Variants in VAV2 observed in about 807,000 individuals in gnomAD.
The protein encoded by VAV2 is vav guanine nucleotide exchange factor 2.
VAV2 carries 67 observed loss-of-function variants against 132.5 expected under a neutral mutation model. The observed-to-expected ratio is 0.51, with a 90% CI of 0.42 to 0.62. The LOEUF is 0.62. Ranked by LOEUF, VAV2 falls within the 20% of genes least tolerant of loss-of-function variation. The pLI is 0.00. For synonymous variants in VAV2, 492 were observed against 443.5 expected (o/e 1.11, Z -1.37); for missense variants, 938 against 1,153.6 (o/e 0.81, Z 2.71).
rs1050544962 is a variant in VAV2, at chr9:133,919,503, C to G, written c.321+19600G>C. Reference sequence around the variant, plus strand: ...CCCAGCCCAGGGACTCACTGTCCCCCGGGGCCAGGTCGGCTGGCAATTTCT... The same window carrying G: ...CCCAGCCCAGGGACTCACTGTCCCCGGGGGCCAGGTCGGCTGGCAATTTCT... On this transcript the variant is annotated intron_variant, in intron 2 of 29. Transcript: ENST00000371850. This position sits in a 1 kb window ranked among gnomAD's most constrained non-coding sequence, Gnocchi z 5.8. Among the ~76,000 whole-genome samples the G allele has an allele frequency of 6.6e-6, 1 of 152,170 alleles. No individual in the cohort carries two copies. Among genetic ancestry groups the G allele is most frequent in the Non-Finnish European group, 1.5e-5 (1 of 68,022 alleles).
At chr9:133,859,618 T>G (rs577879603) in intron 3 of VAV2, among the ~76,000 whole-genome samples, 18 of 151,060 alleles carry the variant, frequency 1.2e-4, no homozygotes, top group African/African-American at 4.4e-4. Context: ...CTGCCTAATA[T>G]GTAAAAAAAA....
chr9:133,775,107 G>A, intron 24 of VAV2, 56 bp from the exon 25 acceptor site: 1 of 1,454,138 alleles, frequency 6.9e-7, no homozygotes, highest in Non-Finnish European at 9.4e-7. Context: ...TGTCTGAGGG[G>A]TGCCCAGCCC....
intron 2 of VAV2, among the ~76,000 whole-genome samples, chr9:133,929,036 TC>T (rs1840582005): frequency 6.6e-6 from 1 of 152,104 alleles, no homozygotes; most frequent in Non-Finnish European, 1.5e-5. Flanking sequence ...ATCTGGAATC[TC>T]CCGCCCACAG....
Position 133,804,243 on chromosome 9 carries a change from A to T in VAV2, c.836+1838T>A, listed in dbSNP as rs1386147433. On this transcript the variant is annotated intron_variant, in intron 9 of 29. Transcript: ENST00000371850. The surrounding 1 kb of genome is among the most constrained non-coding windows in gnomAD (Gnocchi z 4.5). Reference sequence around the variant, plus strand: ...AGCTGGATGCTGGGACAGAACCACGATGATTTGGTGATGAGCTCTGATGAA... The same window carrying T: ...AGCTGGATGCTGGGACAGAACCACGTTGATTTGGTGATGAGCTCTGATGAA... 1.3e-5 allele frequency among the ~76,000 whole-genome samples: 2 copies of T among 152,204 alleles called. No individual in the cohort carries two copies. The highest frequency in any genetic ancestry group is 2.9e-5 in the Non-Finnish European group (2 of 68,038).
chr9:133,906,093 C>A (rs1194358424), intron 2 of VAV2, among the ~76,000 whole-genome samples: 1 of 152,166 alleles, frequency 6.6e-6, no homozygotes, highest in Non-Finnish European at 1.5e-5. Flanking sequence ...GACCCTTAGA[C>A]CTTCCAGACG....
At chr9:133,933,082 A>C (rs1214615394) in intron 2 of VAV2, among the ~76,000 whole-genome samples, 1 of 152,268 alleles carries the variant, frequency 6.6e-6, no homozygotes, top group Non-Finnish European at 1.5e-5. Context: ...ACCAGCCTCC[A>C]CATGGGGCCA....
intron 3 of VAV2, among the ~76,000 whole-genome samples, chr9:133,855,548 G>A (rs1007374248): frequency 7.9e-5 from 12 of 152,298 alleles, no homozygotes; most frequent in Admixed American, 3.3e-4. Context: ...AGCTGCCTCC[G>A]TATCCCGGGA....
chr9:133,771,386 A>C (rs1037291911), intron 26 of VAV2, among the ~76,000 whole-genome samples: 12 of 151,846 alleles, frequency 7.9e-5, no homozygotes, highest in African/African-American at 2.9e-4. Context: ...TTTCTGCTTG[A>C]CCTTGTGCTT....
At chr9:133,780,744 G>A (rs759619586) in intron 19 of VAV2, 34 bp from the exon 20 acceptor site, 2 of 1,264,112 alleles carry the variant, frequency 1.6e-6, no homozygotes, top group Non-Finnish European at 2.0e-6. Flanking sequence ...TTAGAGGGGA[G>A]GCCACCGACG....
chr9:133,939,304 G>A (rs1208286566), intron 1 of VAV2, 85 bp from the exon 2 acceptor site: 1 of 1,221,552 alleles, frequency 8.2e-7, no homozygotes, highest in African/African-American at 1.5e-5. Context: ...ACAGCAGCAA[G>A]CTCTGGCTTC....
chr9:133,937,190 A>C (rs1488652354), intron 2 of VAV2, among the ~76,000 whole-genome samples: 3 of 152,064 alleles, frequency 2.0e-5, no homozygotes, highest in African/African-American at 4.8e-5. Context: ...ATGTGTGTAC[A>C]TGTGAGACTG....
At chr9:133,784,947 C>T (rs369311493) in intron 17 of VAV2, among the ~76,000 whole-genome samples, 1 of 152,156 alleles carries the variant, frequency 6.6e-6, no homozygotes, top group Non-Finnish European at 1.5e-5. Flanking sequence ...GTCGCTTCAG[C>T]TTCCATGAAC....
At chr9:133,796,272 A>G (rs1219988149) in intron 11 of VAV2, among the ~76,000 whole-genome samples, 157 bp downstream of exon 11, 1 of 152,218 alleles carries the variant, frequency 6.6e-6, no homozygotes, top group African/African-American at 2.4e-5. Flanking sequence ...CGGCCATCAC[A>G]TGCATTGAGC....
At chr9:133,899,277 C>A (rs1192905896) in intron 2 of VAV2, among the ~76,000 whole-genome samples, 1 of 151,656 alleles carries the variant, frequency 6.6e-6, no homozygotes, top group African/African-American at 2.4e-5. Context: ...ACTCCTCAGG[C>A]CGGGTGCAGT....
rs1250830273 is a variant in VAV2 at position 133,857,622 on chromosome 9, AAT to A, written c.380+3750_380+3751del. Among the ~76,000 whole-genome samples the A allele has an allele frequency of 1.3e-5, 2 of 152,188 alleles. No individual in the cohort carries two copies. Among genetic ancestry groups the A allele is most frequent in the Non-Finnish European group, 2.9e-5 (2 of 68,038 alleles). ...TAACACTACAAAACGCTCGAAATGA[AAT>A]AGTGTCTTGTGAAGTGCTGGTGGCT... On this transcript the variant is annotated intron_variant, in intron 3 of 29. Transcript: ENST00000371850. This position sits in a 1 kb window ranked among gnomAD's most constrained non-coding sequence, Gnocchi z 4.0.
chr9:133,773,520 A>G (rs1444087369), intron 25 of VAV2, among the ~76,000 whole-genome samples: 2 of 152,210 alleles, frequency 1.3e-5, no homozygotes, highest in Non-Finnish European at 2.9e-5. Context: ...AACTTTATAA[A>G]CTTCTTAATT....
At position 133,788,877 on chromosome 9, in the gene VAV2, C is replaced by T. The variant is rs111847915; in HGVS notation, c.1274+381G>A. Among the ~76,000 whole-genome samples, 1,183 of 152,290 alleles carry T rather than the reference C, an allele frequency of 7.8e-3. 6 individuals are homozygous for T. Among genetic ancestry groups the T allele is most frequent in the Non-Finnish European group, 0.011 (763 of 68,016 alleles). ...CCTGCCCCAGCACACAGTAGGTGCA[C>T]AAGGAGGGCCCTGGACAAGCCTGGG... On this transcript the variant is annotated intron_variant, in intron 14 of 29. Transcript: ENST00000371850. This position sits in a 1 kb window ranked among gnomAD's most constrained non-coding sequence, Gnocchi z 5.3.
At position 133,908,564 on chromosome 9, in the gene VAV2, C is replaced by T. The variant is rs543872128; in HGVS notation, c.321+30539G>A. On this transcript the variant is annotated intron_variant, in intron 2 of 29. Transcript: ENST00000371850. Reference sequence around the variant, plus strand: ...ACCCCCAGCCCATCCTAGGCCCCCACAGCACCACCTGGTACACAAAGGCAC... The same window carrying T: ...ACCCCCAGCCCATCCTAGGCCCCCATAGCACCACCTGGTACACAAAGGCAC... 3.7e-4 allele frequency among the ~76,000 whole-genome samples: 56 copies of T among 152,004 alleles called. No homozygotes were observed. In the South Asian group the frequency reaches 0.011, roughly 30 times the overall value.
intron 9 of VAV2, among the ~76,000 whole-genome samples, chr9:133,801,075 C>T (rs1805031145): frequency 6.6e-6 from 1 of 152,234 alleles, no homozygotes; most frequent in Admixed American, 6.5e-5. Context: ...CCCCATACCC[C>T]AGCACCCAGC....
Sources: gnomAD v4.1 joint callset for allele counts (sites outside exome capture counted in the v4.1 genomes callset) on GRCh38, gnomAD v4.1.1 for gene constraint, Gnocchi (gnomAD v3.1) non-coding constraint, MANE v1.5 for transcripts, NCBI Gene and HGNC (gene_info 2026-07-23, HGNC 2026-07-21) for gene names.